Variants in PIK3R3 observed in about 807,000 individuals in gnomAD.
PIK3R3 encodes phosphatidylinositol 3-kinase regulatory subunit gamma.
A neutral mutation model predicts 62.9 loss-of-function variants in PIK3R3; 64 were observed. The ratio of observed to expected loss-of-function variants is 1.02; its 90% CI spans 0.83 to 1.25. The LOEUF (loss-of-function observed/expected upper bound fraction) is 1.25. Among genes scored for constraint, PIK3R3 ranks in the 50% most tolerant of loss-of-function variants. The probability of loss-of-function intolerance (pLI) is 0.00; values close to 1 mark genes in which losing one functional copy is unlikely to be tolerated. For missense variants in PIK3R3, 614 were observed against 561.6 expected (o/e 1.09, Z -0.94); for synonymous variants, 165 against 189.0 (o/e 0.87, Z 1.04).
chr1:46,116,285 AG>A (rs1351205832), intron 1 of PIK3R3, among the ~76,000 whole-genome samples: 2 of 152,066 alleles, frequency 1.3e-5, no homozygotes, highest in African/African-American at 4.8e-5. Flanking sequence ...CTGAGGCAGG[AG>A]GATCACTTGA....
At chr1:46,145,837 C>G in the PIK3R3 span, among the ~76,000 whole-genome samples, 1 of 152,144 alleles carries the variant, frequency 6.6e-6, no homozygotes, top group African/African-American at 2.4e-5. Flanking sequence ...GAGAACAGAT[C>G]CAGGGAAAAG....
intron 1 of PIK3R3, among the ~76,000 whole-genome samples, chr1:46,098,817 T>C (rs1372239285): frequency 1.3e-5 from 2 of 152,118 alleles, no homozygotes; most frequent in African/African-American, 4.8e-5. Flanking sequence ...CCTCCCACAT[T>C]GGCCTTCCAA....
intron 6 of PIK3R3, among the ~76,000 whole-genome samples, chr1:46,058,235 C>T (rs777577335): frequency 3.9e-5 from 6 of 152,216 alleles, no homozygotes; most frequent in Non-Finnish European, 7.3e-5. Flanking sequence ...AGATTTCAGA[C>T]GTATGGAAAC....
At chr1:46,051,362 G>C (rs1557554814) in intron 7 of PIK3R3, among the ~76,000 whole-genome samples, 1 of 152,038 alleles carries the variant, frequency 6.6e-6, no homozygotes, top group Non-Finnish European at 1.5e-5. Context: ...CCGGGTTCAA[G>C]CAATTCTCCT....
chr1:46,082,820 T>C (rs1004118183), intron 1 of PIK3R3, among the ~76,000 whole-genome samples: 2 of 152,088 alleles, frequency 1.3e-5, no homozygotes, highest in African/African-American at 4.8e-5. Flanking sequence ...ATCCCAGCAC[T>C]TTGAGAGGTG....
chr1:46,043,522 G>T lies in PIK3R3; in HGVS notation c.*151C>A. 1.5e-6 allele frequency: 1 copy of T among 668,072 alleles called. No individual in the cohort carries two copies. Among genetic ancestry groups the T allele is most frequent in the Non-Finnish European group, 2.6e-6 (1 of 387,822 alleles). 41.4% of individuals were successfully genotyped at this position (668,072 alleles called of 1,614,324 possible). On this transcript the variant is annotated 3_prime_UTR_variant, in exon 10 of 10. Transcript: ENST00000262741. ...CTCAGGCCTCTAATGCCCCCATCCC[G>T]GCCGGCTGCTGCTCGGCCTCTCCAC...
upstream of PIK3R3, chr1:46,134,711 G>A (rs1655867834): frequency 1.3e-5 from 2 of 152,190 alleles, no homozygotes; most frequent in South Asian, 2.1e-4. Flanking sequence ...ACAAAATGAG[G>A]GTGAAGAGAG....
chr1:46,174,505 G>C, the PIK3R3 span, among the ~76,000 whole-genome samples: 6 of 152,254 alleles, frequency 3.9e-5, no homozygotes, highest in South Asian at 1.2e-3. Context: ...AGGGGGCCAG[G>C]CCACCAAAGG....
intron 1 of PIK3R3, among the ~76,000 whole-genome samples, chr1:46,095,764 C>T (rs940453788): frequency 1.3e-5 from 2 of 152,148 alleles, no homozygotes; most frequent in African/African-American, 4.8e-5. Context: ...GTGATTCTCC[C>T]TCTATATCTC....
Position 46,132,130 on chromosome 1 carries a change from T to C in PIK3R3, c.-178A>G. The stretch of plus-strand genomic sequence containing the variant: ...CGAACAGGGTCCTCCCCCTCTCTCC[T>C]ACAGAACACAACAAAATGCCCCCGA... On this transcript the variant is annotated 5_prime_UTR_variant, in exon 1 of 10. Transcript: ENST00000262741. The C allele has an allele frequency of 1.4e-6, 2 of 1,391,404 alleles. No homozygotes were observed. Among genetic ancestry groups the C allele is most frequent in the Non-Finnish European group, 1.9e-6 (2 of 1,075,212 alleles). The allele number at this position is 1,391,404 out of a possible 1,614,324, so 86.2% of individuals were successfully genotyped here.
the PIK3R3 span, among the ~76,000 whole-genome samples, chr1:46,163,045 C>T: frequency 1.3e-5 from 2 of 152,308 alleles, no homozygotes; most frequent in East Asian, 1.9e-4. Flanking sequence ...CTGTTCTTAC[C>T]TATGAAGAAT....
chr1:46,105,219 A>T (rs992580067), intron 1 of PIK3R3: 1 of 447,838 alleles, frequency 2.2e-6, no homozygotes, highest in Admixed American at 3.3e-5. Flanking sequence ...AAAACAGCTC[A>T]TCAGCTGGGC....
At chr1:46,102,875 T>G (rs781660345) in intron 1 of PIK3R3, among the ~76,000 whole-genome samples, 1 of 148,344 alleles carries the variant, frequency 6.7e-6, no homozygotes, top group Non-Finnish European at 1.5e-5. Flanking sequence ...AGCAGACCTA[T>G]GTTCACAGGA....
intron 1 of PIK3R3, among the ~76,000 whole-genome samples, chr1:46,113,074 C>T (rs1653876565): frequency 6.6e-6 from 1 of 152,150 alleles, no homozygotes; most frequent in Admixed American, 6.5e-5. Flanking sequence ...TTCTTCTGTA[C>T]TAAAATAGCC....
At chr1:46,125,485 G>T (rs878958021) in intron 1 of PIK3R3, among the ~76,000 whole-genome samples, 2 of 152,118 alleles carry the variant, frequency 1.3e-5, no homozygotes, top group Admixed American at 6.6e-5. Context: ...TTAACAGTAA[G>T]GATCATGAAG....
chr1:46,171,178 G>A, the PIK3R3 span, among the ~76,000 whole-genome samples: 1 of 152,174 alleles, frequency 6.6e-6, no homozygotes, highest in Non-Finnish European at 1.5e-5. Context: ...CCTCTCCCGA[G>A]GCTCAGGGGT....
In PIK3R3 at chr1:46,046,617, T is replaced by C. The variant is rs114180250; in HGVS notation, c.950A>G (p.Asn317Ser). 4.5e-4 allele frequency: 731 copies of C among 1,612,176 alleles called. 4 individuals carry two copies. The East Asian group carries it at 0.014, about 31-fold the overall frequency. Residue 317 changes from asparagine (N) to serine (S), a missense_variant, in exon 8 of 10, where the codon AAT becomes AGT. Physicochemically the swap from Asn to Ser is conservative, Grantham distance 46 (BLOSUM62 1). Coordinates refer to ENST00000262741, the MANE Select transcript of PIK3R3 (RefSeq NM_003629.4). Reference sequence around the variant, plus strand: ...GCGTTTCTGTCTCACTCCTTTGTGATTGAGCCATCTGCCAGAGGAAAGACA... The same window carrying C: ...GCGTTTCTGTCTCACTCCTTTGTGACTGAGCCATCTGCCAGAGGAAAGACA... Reference protein sequence around the residue: ...KIRDQHLVWLNHKGVRQKRLN... With the variant: ...KIRDQHLVWLSHKGVRQKRLN...
At chr1:46,140,927 C>A in the PIK3R3 span, among the ~76,000 whole-genome samples, 2 of 151,952 alleles carry the variant, frequency 1.3e-5, no homozygotes, top group Non-Finnish European at 2.9e-5. Context: ...GTGGCATGTT[C>A]ACAGCTTACT....
At chr1:46,045,242 G>C (rs1028908374) in intron 9 of PIK3R3, among the ~76,000 whole-genome samples, 6 of 152,278 alleles carry the variant, frequency 3.9e-5, no homozygotes, top group Middle Eastern at 3.4e-3. Context: ...GTAAGCAGTA[G>C]AGCCAGGAGC....
Sources: allele counts gnomAD v4.1 joint callset (sites outside exome capture counted in the v4.1 genomes callset), GRCh38; gene constraint gnomAD v4.1.1; transcripts MANE v1.5; gene names NCBI Gene and HGNC (gene_info 2026-07-23, HGNC 2026-07-21).